The following GPBP1L1 variants were observed in gnomAD, a reference collection of about 807,000 sequenced individuals.
GPBP1L1 encodes the protein GC-rich promoter binding protein 1 like 1.
Under a neutral mutation model 52.5 loss-of-function variants are expected in GPBP1L1, and 23 were observed. That is an observed-to-expected ratio of 0.44 (90% CI 0.32 to 0.62). The LOEUF is 0.62. Among genes scored for constraint, GPBP1L1 ranks in the 20% least tolerant of loss-of-function variants. The pLI is 0.06. For synonymous variants in GPBP1L1, 243 were observed against 203.1 expected (o/e 1.20, Z -1.67); for missense variants, 596 against 579.3 (o/e 1.03, Z -0.30).
rs1406661491 is a variant in GPBP1L1 at position 45,627,638 on chromosome 1, C to T, written c.*618G>A. 1 of 151,464 alleles carries T rather than the reference C, an allele frequency of 6.6e-6. No homozygotes were observed. Among genetic ancestry groups the T allele is most frequent in the Non-Finnish European group, 1.5e-5 (1 of 67,868 alleles). The allele number at this position is 151,464 out of a possible 1,614,324, so 9.4% of individuals were successfully genotyped here. A position where few individuals can be genotyped will look rare whatever the true frequency, so the allele number is the denominator to read the frequency against. ...AAATCTCACAAAAATTTATATTTTA[C>T]AATCCACCCTGAATATCAAGGCTGC... On this transcript the variant is annotated 3_prime_UTR_variant, in exon 13 of 13. Transcript: ENST00000355105.
chr1:45,630,547 A>G lies in GPBP1L1; in HGVS notation c.1104T>C (p.Asn368=), dbSNP rs541165643. 8.1e-6 allele frequency: 13 copies of G among 1,614,004 alleles called. No individual in the cohort carries two copies. The South Asian group carries it at 1.4e-4, about 18-fold the overall frequency. Residue 368 remains asparagine, a synonymous_variant, in exon 11 of 13, where the codon AAT becomes AAC. Coordinates refer to ENST00000355105, the MANE Select transcript of GPBP1L1 (RefSeq NM_021639.5). ...CTTCCACTACAGGGAGGGCAAGACC[A>G]TTTTGATGACAGCCTTCCTCCCCAT... The part of the protein sequence containing the change: ...KENGEEGCHQ[N]GLALPVVEEG...
intron 2 of GPBP1L1, among the ~76,000 whole-genome samples, chr1:45,680,698 T>TA (rs1221217292): frequency 6.6e-6 from 1 of 152,170 alleles, no homozygotes; most frequent in African/African-American, 2.4e-5. Flanking sequence ...TGACTTTGAA[T>TA]AAGTTATTTC....
At chr1:45,654,899 G>A (rs1411048478) in intron 5 of GPBP1L1, 70 bp from the exon 6 acceptor site, 1 of 1,405,806 alleles carries the variant, frequency 7.1e-7, no homozygotes, top group Non-Finnish European at 9.6e-7. Context: ...TTGGCCAAAG[G>A]CCTTCAGGAG....
chr1:45,687,427 G>C (rs1250632067), upstream of GPBP1L1: 2 of 152,364 alleles, frequency 1.3e-5, no homozygotes, highest in East Asian at 3.8e-4. Flanking sequence ...CTGGCAACCA[G>C]GAAGCTAGAC....
chr1:45,631,246 A>G (rs921500933), intron 10 of GPBP1L1, among the ~76,000 whole-genome samples: 3 of 152,224 alleles, frequency 2.0e-5, no homozygotes, highest in South Asian at 4.2e-4. Flanking sequence ...ACATTTATTT[A>G]TTTATTTATT....
At chr1:45,641,810 A>T (rs1644677773) in intron 7 of GPBP1L1, 2 of 116,234 alleles carry the variant, frequency 1.7e-5, no homozygotes, top group South Asian at 6.3e-4. Flanking sequence ...GTGAGACTCC[A>T]TCTCAAAAAA....
In GPBP1L1 at chr1:45,628,186, G is replaced by A. The variant is rs1218719353; in HGVS notation, c.*70C>T. The A allele has an allele frequency of 1.4e-5, 19 of 1,392,300 alleles. No homozygotes were observed. Among genetic ancestry groups the A allele is most frequent in the South Asian group, 6.1e-5 (5 of 82,032 alleles). 86.2% of individuals were successfully genotyped at this position (1,392,300 alleles called of 1,614,324 possible). A position where few individuals can be genotyped will look rare whatever the true frequency, so the allele number is the denominator to read the frequency against. ...AACAACATAAGAAAAGGAAAAGAAC[G>A]ATTTCTTTTGTATACTCCCTAAACA... On this transcript the variant is annotated 3_prime_UTR_variant, in exon 13 of 13. Coordinates refer to ENST00000355105, the MANE Select transcript of GPBP1L1 (RefSeq NM_021639.5).
chr1:45,639,594 T>C (rs796521420), intron 8 of GPBP1L1, among the ~76,000 whole-genome samples: 18 of 101,998 alleles, frequency 1.8e-4, no homozygotes, highest in Non-Finnish European at 2.9e-4. Context: ...AAAAAAAAAA[T>C]GGCTGGGCGT....
chr1:45,677,823 G>A (rs1012835480), intron 2 of GPBP1L1, among the ~76,000 whole-genome samples: 2 of 152,058 alleles, frequency 1.3e-5, no homozygotes, highest in Admixed American at 6.5e-5. Flanking sequence ...CTATCAAACT[G>A]GCAAAAGAAA....
At chr1:45,636,249 G>C (rs545553060) in intron 8 of GPBP1L1, among the ~76,000 whole-genome samples, 1 of 152,104 alleles carries the variant, frequency 6.6e-6, no homozygotes, top group East Asian at 1.9e-4. Flanking sequence ...CACTCTCTCA[G>C]TTCTCTCTTT....
At chr1:45,636,655 G>T (rs533562517) in intron 8 of GPBP1L1, among the ~76,000 whole-genome samples, 1 of 152,070 alleles carries the variant, frequency 6.6e-6, no homozygotes, top group African/African-American at 2.4e-5. Flanking sequence ...GTTTTTAAAC[G>T]TCCACTTACT....
chr1:45,653,935 G>A (rs1644851887), intron 6 of GPBP1L1, among the ~76,000 whole-genome samples: 1 of 151,884 alleles, frequency 6.6e-6, no homozygotes, highest in South Asian at 2.1e-4. Context: ...CTGCCCTCAG[G>A]TGATCCACCC....
chr1:45,645,816 C>G (rs1644737524), intron 6 of GPBP1L1: 1 of 454,630 alleles, frequency 2.2e-6, no homozygotes, highest in South Asian at 1.7e-5. Flanking sequence ...TATTGCATCC[C>G]TAGAAACAAA....
At chr1:45,658,766 TA>T in intron 4 of GPBP1L1, 1 of 443,048 alleles carries the variant, frequency 2.3e-6, no homozygotes, top group Non-Finnish European at 4.0e-6. Flanking sequence ...TCCATCTCTA[TA>T]AAACAACAAC....
At chr1:45,664,330 G>A (rs1013904429) in intron 2 of GPBP1L1, among the ~76,000 whole-genome samples, 4 of 148,272 alleles carry the variant, frequency 2.7e-5, no homozygotes, top group Non-Finnish European at 5.9e-5. Flanking sequence ...CAAAAAAAAG[G>A]CCGGGCGTGG....
At chr1:45,662,945 G>A (rs1485174553) in intron 2 of GPBP1L1, among the ~76,000 whole-genome samples, 1 of 150,902 alleles carries the variant, frequency 6.6e-6, no homozygotes, top group East Asian at 1.9e-4. Flanking sequence ...CAGCTACTCA[G>A]GAGGCTGAGG....
intron 6 of GPBP1L1, among the ~76,000 whole-genome samples, chr1:45,650,438 A>T (rs1179727925): frequency 6.6e-6 from 1 of 152,196 alleles, no homozygotes; most frequent in African/African-American, 2.4e-5. Context: ...AAAGCAAAAA[A>T]CAAAAACCTA....
chr1:45,664,105 G>C lies in GPBP1L1; in HGVS notation c.-1097-2880C>G, dbSNP rs142943260. On this transcript the variant is annotated intron_variant, in intron 2 of 12. Coordinates refer to ENST00000355105, the MANE Select transcript of GPBP1L1 (RefSeq NM_021639.5). ...CCCAGCACTTTGGGAGGCCGAGGTG[G>C]GCGGATCACGAGGTCAGGAAATCGA... Among the ~76,000 whole-genome samples, 1,444 of 152,240 alleles carry C rather than the reference G, an allele frequency of 9.5e-3. 11 individuals carry two copies. Among genetic ancestry groups the C allele is most frequent in the Non-Finnish European group, 0.015 (1,040 of 68,006 alleles).
chr1:45,669,027 C>T (rs2148499198), intron 2 of GPBP1L1, among the ~76,000 whole-genome samples: 1 of 152,246 alleles, frequency 6.6e-6, no homozygotes, highest in East Asian at 1.9e-4. Flanking sequence ...ATTGATACAC[C>T]ATTTTAATTC....
Sources: allele counts gnomAD v4.1 joint callset (sites outside exome capture counted in the v4.1 genomes callset), GRCh38; gene constraint gnomAD v4.1.1; transcripts MANE v1.5; gene names NCBI Gene and HGNC (gene_info 2026-07-23, HGNC 2026-07-21).